ELF1: variants seen among roughly 807,000 people sequenced by gnomAD.
ELF1 encodes the protein ETS-related transcription factor Elf-1.
A neutral mutation model predicts 59.9 loss-of-function variants in ELF1; 24 were observed. The ratio of observed to expected loss-of-function variants is 0.40; its 90% CI spans 0.29 to 0.56. ELF1 has a LOEUF of 0.56. Among genes scored for constraint, ELF1 ranks in the 20% least tolerant of loss-of-function variants. The pLI, the probability that ELF1 is intolerant of heterozygous loss-of-function variation, is 0.44. For missense variants in ELF1, 627 were observed against 742.2 expected, an observed-to-expected ratio of 0.84 and a Z score of 1.80; for synonymous variants, 248 against 266.2, an observed-to-expected ratio of 0.93 and a Z score of 0.67.
chr13:40,972,391 G>A (rs540468764), intron 2 of ELF1, among the ~76,000 whole-genome samples: 1 of 152,264 alleles, frequency 6.6e-6, no homozygotes, highest in East Asian at 1.9e-4. Flanking sequence ...TGAGTCACAA[G>A]TTTATTGGCT....
chr13:40,968,076 T>C (rs1263150734), intron 2 of ELF1, among the ~76,000 whole-genome samples: 1 of 152,220 alleles, frequency 6.6e-6, no homozygotes, highest in Non-Finnish European at 1.5e-5. Context: ...AAAGCAAATG[T>C]TGATACATAT....
At chr13:40,968,824 A>G (rs1231340391) in intron 2 of ELF1, among the ~76,000 whole-genome samples, 1 of 151,688 alleles carries the variant, frequency 6.6e-6, no homozygotes, top group East Asian at 1.9e-4. Context: ...GGCTCAAGCA[A>G]TCTTTCCACC....
intron 1 of ELF1, among the ~76,000 whole-genome samples, chr13:41,000,900 C>T (rs1437015566): frequency 2.6e-5 from 4 of 151,572 alleles, no homozygotes; most frequent in Non-Finnish European, 5.9e-5. Context: ...TAATTAGATA[C>T]AACGCAAAGA....
intron 2 of ELF1, among the ~76,000 whole-genome samples, chr13:40,961,922 T>C (rs1233224916): frequency 2.6e-5 from 4 of 152,210 alleles, no homozygotes; most frequent in East Asian, 3.8e-4. Context: ...AACCAAAGTA[T>C]TCCTCCCTAA....
chr13:40,967,522 A>G lies in ELF1; in HGVS notation c.73-8506T>C, dbSNP rs74045619. 6.7e-3 allele frequency among the ~76,000 whole-genome samples: 1,023 copies of G among 152,360 alleles called. 6 individuals carry two copies. The highest frequency in any genetic ancestry group is 0.023 in the African/African-American group (976 of 41,586). On this transcript the variant is annotated intron_variant, in intron 2 of 8. Coordinates refer to ENST00000239882, the MANE Select transcript of ELF1 (RefSeq NM_172373.4). ...AATGTTTTGATGATTAAAGCCCTTC[A>G]ATATTTGATACGGATAGAAATAAAC...
At chr13:40,999,460 T>C (rs1874295408) in intron 1 of ELF1, among the ~76,000 whole-genome samples, 1 of 152,202 alleles carries the variant, frequency 6.6e-6, no homozygotes. Flanking sequence ...TAGAGATAGT[T>C]AACAGCCTGA....
At chr13:40,949,547 G>A (rs1038946804) in intron 5 of ELF1, among the ~76,000 whole-genome samples, 16 of 151,520 alleles carry the variant, frequency 1.1e-4, no homozygotes, top group African/African-American at 3.9e-4. Context: ...TAGAGATGAG[G>A]TCTTGCTTTG....
At chr13:41,047,866 GC>G in intron 1 of ELF1, among the ~76,000 whole-genome samples, 1 of 152,306 alleles carries the variant, frequency 6.6e-6, no homozygotes, top group East Asian at 1.9e-4. Flanking sequence ...GCTATGCCCT[GC>G]CCCCAGAGGT....
chr13:41,044,553 T>C (rs1344344846), intron 1 of ELF1, among the ~76,000 whole-genome samples: 1 of 152,208 alleles, frequency 6.6e-6, no homozygotes, highest in Non-Finnish European at 1.5e-5. Flanking sequence ...GAGATAATCA[T>C]GTGGTTTTTG....
At chr13:41,046,401 A>G (rs1349504875) in intron 1 of ELF1, among the ~76,000 whole-genome samples, 1 of 152,172 alleles carries the variant, frequency 6.6e-6, no homozygotes, top group African/African-American at 2.4e-5. Context: ...ACAATTTGGC[A>G]TGTTTTTGCA....
At chr13:40,960,087 A>G (rs977051908) in intron 2 of ELF1, among the ~76,000 whole-genome samples, 2 of 152,204 alleles carry the variant, frequency 1.3e-5, no homozygotes, top group African/African-American at 4.8e-5. Context: ...GATGTGTTTG[A>G]AAGTGTTAGA....
intron 1 of ELF1, 70 bp downstream of exon 1, chr13:41,019,158 T>C: frequency 2.0e-6 from 2 of 980,490 alleles, no homozygotes; most frequent in Non-Finnish European, 1.2e-6. Context: ...CTTCAACAGG[T>C]AAGAACCACC....
chr13:40,949,601 T>C (rs1197478471), intron 5 of ELF1, among the ~76,000 whole-genome samples: 1 of 152,116 alleles, frequency 6.6e-6, no homozygotes, highest in African/African-American at 2.4e-5. Flanking sequence ...ACAATCTTCC[T>C]GCCTCGGCCT....
chr13:41,050,613 G>C (rs1877047145), intron 1 of ELF1, among the ~76,000 whole-genome samples: 1 of 152,164 alleles, frequency 6.6e-6, no homozygotes, highest in African/African-American at 2.4e-5. Flanking sequence ...CTGGAGTGCA[G>C]TGGCACAATC....
At chr13:40,938,797 T>TTAA (rs1869950743) in intron 8 of ELF1, among the ~76,000 whole-genome samples, 1 of 151,858 alleles carries the variant, frequency 6.6e-6, no homozygotes. Flanking sequence ...TCTGATTTTA[T>TTAA]TAATAAGTCA....
intron 8 of ELF1, 93 bp from the exon 9 acceptor site, chr13:40,934,121 TTATG>T: frequency 6.8e-7 from 1 of 1,475,678 alleles, no homozygotes; most frequent in South Asian, 1.4e-5. Flanking sequence ...AAAATACCAG[TTATG>T]TGTTTCAAAA....
At chr13:40,959,092 C>T (rs1415358115) in intron 2 of ELF1, 76 bp from the exon 3 acceptor site, 1 of 1,470,252 alleles carries the variant, frequency 6.8e-7, no homozygotes, top group African/African-American at 1.4e-5. Flanking sequence ...ATGCTCAAAA[C>T]TATTTTATAC....
At chr13:41,053,235 T>G (rs1459093522) in intron 1 of ELF1, among the ~76,000 whole-genome samples, 6 of 151,684 alleles carry the variant, frequency 4.0e-5, no homozygotes, top group Non-Finnish European at 7.4e-5. Flanking sequence ...ACGCCTGGAA[T>G]CCCAGCTACT....
At chr13:41,008,735 C>G (rs575268169) in intron 1 of ELF1, among the ~76,000 whole-genome samples, 4 of 152,258 alleles carry the variant, frequency 2.6e-5, no homozygotes, top group Admixed American at 2.0e-4. Flanking sequence ...AGAATATCCA[C>G]AATTATCTGA....
Sources: allele counts gnomAD v4.1 joint callset (sites outside exome capture counted in the v4.1 genomes callset), GRCh38; gene constraint gnomAD v4.1.1; transcripts MANE v1.5; gene names NCBI Gene and HGNC (gene_info 2026-07-23, HGNC 2026-07-21).